GZMM: variants seen among roughly 807,000 people sequenced by gnomAD.
GZMM encodes granzyme M, also known as HU-Met-1.
Under a neutral mutation model 19.2 loss-of-function variants are expected in GZMM, and 23 were observed. The observed-to-expected ratio is 1.20, with a 90% confidence interval of 0.86 to 1.69. The LOEUF is 1.69. GZMM is among the 40% of genes most tolerant of loss of function. The pLI is 0.00. For synonymous variants in GZMM, 178 were observed against 160.2 expected, an observed-to-expected ratio of 1.11 and a Z score of -0.84; for missense variants, 373 against 352.2, an observed-to-expected ratio of 1.06 and a Z score of -0.47.
rs1980373871 is a variant in GZMM at position 548,569 on chromosome 19, G to C, written c.240G>C (p.Gly80=). The C allele has an allele frequency of 6.2e-7, 1 of 1,613,242 alleles. No individual in the cohort carries two copies. Among genetic ancestry groups the C allele is most frequent in the Non-Finnish European group, 8.5e-7 (1 of 1,179,680 alleles). ...QRMAQLRLVL[G]LHTLDSPGLT... is the part of the protein sequence containing the mutation. ...TGGCCCAGCTGAGGCTGGTGCTGGG[G>C]CTCCACACCCTGGACAGCCCCGGTC... is the stretch of plus-strand genomic sequence containing the variant. The change falls in exon 3 of 5, where the codon GGG becomes GGC. Residue 80 remains glycine, a synonymous_variant. Transcript: ENST00000264553.
At chr19:544,191 G>T in intron 1 of GZMM, 65 bp downstream of exon 1, 1 of 1,383,568 alleles carries the variant, frequency 7.2e-7, no homozygotes, top group Non-Finnish European at 1.0e-6. Flanking sequence ...TCCCTGGATG[G>T]GAGGGGTGGG....
Position 549,857 on chromosome 19 carries a change from GGGTGGGTGAGGA to G in GZMM, c.*67_*78del. 8.8e-7 allele frequency: 1 copy of G among 1,130,094 alleles called. No individual in the cohort carries two copies. Among genetic ancestry groups the G allele is most frequent in the Non-Finnish European group, 1.3e-6 (1 of 767,814 alleles). 70.0% of individuals were successfully genotyped at this position (1,130,094 alleles called of 1,614,324 possible). A position where few individuals can be genotyped will look rare whatever the true frequency, so the allele number is the denominator to read the frequency against. ...ACCCTTCCCCTCCAGGGGTGCAGTGGGGTGGGTGAGGACGGGTGGGAGGGACAGGGAGGGACC... is the reference window on the plus strand; with the variant it reads ...ACCCTTCCCCTCCAGGGGTGCAGTGGCGGGTGGGAGGGACAGGGAGGGACC... On this transcript the variant is annotated 3_prime_UTR_variant, in exon 5 of 5. Transcript: ENST00000264553.
intron 1 of GZMM, among the ~76,000 whole-genome samples, chr19:544,846 C>A (rs945885746): frequency 1.3e-5 from 2 of 150,864 alleles, no homozygotes; most frequent in Admixed American, 1.3e-4. Context: ...TCATCCATCC[C>A]TCCCTCCCTC....
Position 548,928 on chromosome 19 carries a change from G to C in GZMM, c.355G>C (p.Gly119Arg), listed in dbSNP as rs750356900. 16 of 1,567,406 alleles carry C rather than the reference G, an allele frequency of 1.0e-5. No individual in the cohort carries two copies. Among genetic ancestry groups the C allele is most frequent in the Admixed American group, 3.5e-5 (2 of 57,058 alleles). Residue 119 changes from glycine to arginine, a missense_variant, in exon 4 of 5, where the codon GGG becomes CGG. Gly to Arg is a moderately radical substitution (Grantham distance 125, BLOSUM62 -2). Coordinates refer to ENST00000264553, the MANE Select transcript of GZMM (RefSeq NM_005317.4). The stretch of plus-strand genomic sequence containing the variant: ...CCCTTCCTGTCACTCGTAGCTGGAC[G>C]GGAAAGTGAAGCCCAGCCGGACCAT... ...ENDLALLQLD[G>R]KVKPSRTIRP...
intron 1 of GZMM, among the ~76,000 whole-genome samples, 154 bp downstream of exon 1, chr19:544,280 GCTC>G (rs567730248): frequency 3.9e-5 from 6 of 152,168 alleles, no homozygotes; most frequent in Non-Finnish European, 8.8e-5. Flanking sequence ...GGCATCCCGA[GCTC>G]CTCACGCTTC....
At chr19:547,775 A>G (rs1425911216) in intron 2 of GZMM, among the ~76,000 whole-genome samples, 1 of 152,122 alleles carries the variant, frequency 6.6e-6, no homozygotes, top group East Asian at 1.9e-4. Context: ...GGCTTCTGCT[A>G]TAAGGAAGGA....
chr19:546,531 A>T (rs1421858533), intron 1 of GZMM, among the ~76,000 whole-genome samples: 9 of 97,860 alleles, frequency 9.2e-5, no homozygotes, highest in Admixed American at 9.1e-4. Flanking sequence ...ACAGAGTGAG[A>T]CTCCATCTCA....
At position 548,663 on chromosome 19, in the gene GZMM, C is replaced by G. The variant is rs1428287000; in HGVS notation, c.334C>G (p.Leu112Val). ...YKPVPALEND[L>V]ALLQLDGKVK... ...GCCCGTCCCTGCCCTGGAGAACGAC[C>G]TCGCGCTGCTTCAGGTGTGCAGGGA... The change falls in exon 3 of 5, where the codon CTC (leucine) becomes GTC (valine). Residue 112 changes from leucine to valine, a missense_variant. Physicochemically the swap from Leu to Val is conservative, Grantham distance 32. Coordinates refer to ENST00000264553, the MANE Select transcript of GZMM (RefSeq NM_005317.4). 2 of 1,613,022 alleles carry G rather than the reference C, an allele frequency of 1.2e-6. No individual in the cohort carries two copies. Among genetic ancestry groups the G allele is most frequent in the African/African-American group, 2.7e-5 (2 of 74,832 alleles).
rs1192682825 is a variant in GZMM, at chr19:549,811, C to T, written c.*20C>T. 2 of 1,603,214 alleles carry T rather than the reference C, an allele frequency of 1.2e-6. No homozygotes were observed. Among genetic ancestry groups the T allele is most frequent in the Non-Finnish European group, 1.7e-6 (2 of 1,176,280 alleles). On this transcript the variant is annotated 3_prime_UTR_variant, in exon 5 of 5. Transcript: ENST00000264553. ...GCCTGATGCCCTGGGGTGATGGGGA[C>T]CCCCTCGCTGTCTCCACAGGACCCT...
rs1568335930 is a variant in GZMM, at chr19:548,641, CG to C, written c.313del (p.Val105SerfsTer17). ...AAIQHPRYKP[V>X]PALENDLALL... is the part of the protein sequence containing the mutation. ...CCATCCAGCACCCTCGCTACAAGCC[CG>C]TCCCTGCCCTGGAGAACGACCTCGC... On this transcript the variant is annotated frameshift_variant, in exon 3 of 5. Coordinates refer to ENST00000264553, the MANE Select transcript of GZMM (RefSeq NM_005317.4). LOFTEE classifies it high-confidence loss of function. 1.9e-6 allele frequency: 3 copies of C among 1,613,606 alleles called. No individual in the cohort carries two copies. The South Asian group carries it at 3.3e-5, about 18-fold the overall frequency.
At chr19:545,385 T>G (rs1357092388) in intron 1 of GZMM, among the ~76,000 whole-genome samples, 1 of 152,186 alleles carries the variant, frequency 6.6e-6, no homozygotes, top group Non-Finnish European at 1.5e-5. Flanking sequence ...TGCACTCTTG[T>G]CACCCAGGCT....
At position 548,629 on chromosome 19, in the gene GZMM, T is replaced by A. The variant is rs1213046972; in HGVS notation, c.300T>A (p.Pro100=). The change falls in exon 3 of 5, where the codon CCT becomes CCA. Residue 100 remains proline (P), a synonymous_variant. Coordinates refer to ENST00000264553, the MANE Select transcript of GZMM (RefSeq NM_005317.4). ...TFHIKAAIQH[P]RYKPVPALEN... ...ACATCAAGGCAGCCATCCAGCACCC[T>A]CGCTACAAGCCCGTCCCTGCCCTGG... 6.2e-7 allele frequency: 1 copy of A among 1,613,378 alleles called. No homozygotes were observed. Among genetic ancestry groups the A allele is most frequent in the Non-Finnish European group, 8.5e-7 (1 of 1,179,778 alleles).
chr19:545,879 G>A (rs1456298945), intron 1 of GZMM, among the ~76,000 whole-genome samples: 12 of 151,274 alleles, frequency 7.9e-5, no homozygotes, highest in African/African-American at 2.4e-4. Flanking sequence ...TCCTGACCTC[G>A]TGATCCACCT....
At chr19:545,573 C>G (rs529114602) in intron 1 of GZMM, among the ~76,000 whole-genome samples, 159 of 152,020 alleles carry the variant, frequency 1.0e-3, no homozygotes, top group African/African-American at 3.8e-3. Flanking sequence ...TCTCAAACTC[C>G]CAACCTCAGG....
chr19:549,795 C>T lies in GZMM; in HGVS notation c.*4C>T. On this transcript the variant is annotated 3_prime_UTR_variant, in exon 5 of 5. Coordinates refer to ENST00000264553, the MANE Select transcript of GZMM (RefSeq NM_005317.4). ...GGTCACCGGCCGATCGGCCTGATGC[C>T]CTGGGGTGATGGGGACCCCCTCGCT... is the stretch of plus-strand genomic sequence containing the variant. 3.1e-6 allele frequency: 5 copies of T among 1,598,950 alleles called. No homozygotes were observed. The highest frequency in any genetic ancestry group is 4.3e-6 in the Non-Finnish European group (5 of 1,172,942).
intron 1 of GZMM, among the ~76,000 whole-genome samples, chr19:544,894 A>C (rs1600437690): frequency 1.1e-5 from 1 of 87,950 alleles, no homozygotes; most frequent in African/African-American, 4.9e-5. Context: ...CAGTCCATCC[A>C]CCCATCATTC....
At chr19:545,258 C>T (rs990759487) in intron 1 of GZMM, among the ~76,000 whole-genome samples, 2 of 152,114 alleles carry the variant, frequency 1.3e-5, no homozygotes, top group Admixed American at 6.5e-5. Context: ...GGTGGGGGGC[C>T]GTTGCAGGAG....
intron 1 of GZMM, among the ~76,000 whole-genome samples, chr19:546,730 C>T (rs148038593): frequency 0.06 from 9,066 of 151,428 alleles, 298 homozygotes; most frequent in South Asian, 0.075. Context: ...CCCAGCTACT[C>T]GGGAGACTGA....
chr19:545,494 CCT>C (rs1300543034), intron 1 of GZMM, among the ~76,000 whole-genome samples: 3 of 152,024 alleles, frequency 2.0e-5, no homozygotes, highest in Middle Eastern at 3.4e-3. Flanking sequence ...ATTACAGGCG[CCT>C]GCCACCATGC....
Sources: gnomAD v4.1 joint callset for allele counts (sites outside exome capture counted in the v4.1 genomes callset) on GRCh38, gnomAD v4.1.1 for gene constraint, MANE v1.5 for transcripts, NCBI Gene and HGNC (gene_info 2026-07-23, HGNC 2026-07-21) for gene names.